The following TBCCD1 variants were observed in gnomAD, a reference collection of about 807,000 sequenced individuals.
TBCCD1 encodes the protein TBCC domain-containing protein 1.
TBCCD1 carries 26 observed loss-of-function variants against 53.4 expected under a neutral mutation model. The ratio of observed to expected loss-of-function variants is 0.49; its 90% CI spans 0.36 to 0.68. The LOEUF (loss-of-function observed/expected upper bound fraction) is 0.68, where lower values mean the gene tolerates loss of function less well. TBCCD1 is among the 30% of genes least tolerant of loss of function. The pLI is 0.00. For synonymous variants in TBCCD1, 245 were observed against 241.7 expected (o/e 1.01, Z -0.13); for missense variants, 558 against 669.5 (o/e 0.83, Z 1.84).
chr3:186,558,713 T>G, intron 2 of TBCCD1, 141 bp from the exon 3 acceptor site: 1 of 804,258 alleles, frequency 1.2e-6, no homozygotes, highest in South Asian at 1.9e-5. Flanking sequence ...TTGATATGTA[T>G]GTCTCTGGTA....
chr3:186,554,700 T>C lies in TBCCD1; in HGVS notation c.1098A>G (p.Val366=), dbSNP rs1301774842. ...CRNSIFVLGP[V]GTTLHLHSCD... ...AACTGTGGAGGTGAAGTGTAGTCCC[T>C]ACAGGGCCCAAGACAAAGATGCTAT... Residue 366 remains valine, a synonymous_variant, in exon 6 of 8, where the codon GTA becomes GTG. Transcript: ENST00000338733. 3.7e-6 allele frequency: 6 copies of C among 1,614,014 alleles called. No individual in the cohort carries two copies. The highest frequency in any genetic ancestry group is 1.6e-4 in the Middle Eastern group (1 of 6,084).
chr3:186,565,955 A>C (rs1450603809), intron 1 of TBCCD1, among the ~76,000 whole-genome samples: 1 of 152,180 alleles, frequency 6.6e-6, no homozygotes, highest in Non-Finnish European at 1.5e-5. Context: ...ATAAAAACTA[A>C]TTTAAAAAAT....
chr3:186,562,106 C>A (rs1454519300), intron 2 of TBCCD1, among the ~76,000 whole-genome samples: 2 of 152,138 alleles, frequency 1.3e-5, no homozygotes, highest in African/African-American at 2.4e-5. Flanking sequence ...CTTTGGGAGG[C>A]TGAGGTGGGA....
intron 1 of TBCCD1, among the ~76,000 whole-genome samples, chr3:186,566,026 A>C (rs1311524468): frequency 3.3e-5 from 5 of 152,048 alleles, no homozygotes; most frequent in Non-Finnish European, 7.4e-5. Flanking sequence ...GATTCTAAGA[A>C]AACTGTGCTT....
Position 186,558,416 on chromosome 3 carries a change from C to A in TBCCD1, c.492+1G>T, listed in dbSNP as rs773777385. 7 of 1,613,518 alleles carry A rather than the reference C, an allele frequency of 4.3e-6. No homozygotes were observed. The highest frequency in any genetic ancestry group is 5.9e-6 in the Non-Finnish European group (7 of 1,179,858). ...GAATGAGATCAAGATATAAGGAGTACCTTATTATGACAATTAGATTTTTCA... is the reference window on the plus strand; with the variant it reads ...GAATGAGATCAAGATATAAGGAGTAACTTATTATGACAATTAGATTTTTCA... On this transcript the variant is annotated splice_donor_variant, in intron 3 of 7. Coordinates refer to ENST00000338733, the MANE Select transcript of TBCCD1 (RefSeq NM_018138.5). LOFTEE classifies it high-confidence loss of function.
intron 7 of TBCCD1, 87 bp downstream of exon 7, chr3:186,551,042 A>G (rs1714357763): frequency 2.1e-6 from 3 of 1,414,278 alleles, no homozygotes; most frequent in Non-Finnish European, 2.8e-6. Flanking sequence ...AAATTTGGGC[A>G]TGTTTAGTAT....
chr3:186,564,150 G>A lies in TBCCD1; in HGVS notation c.180C>T (p.Ile60=), dbSNP rs762920531. 75 of 1,614,176 alleles carry A rather than the reference G, an allele frequency of 4.6e-5. No individual in the cohort carries two copies. In the Middle Eastern group the frequency reaches 4.9e-4, roughly 11 times the overall value. ...TGGCCAACTGCAGCTTCCCACAAGC[G>A]ATGTGCCTCCATGTAGACCAGTAGA... The part of the protein sequence containing the change: ...PRLYWSTWRH[I]ACGKLQLAKD... Residue 60 remains isoleucine (I), a synonymous_variant, in exon 2 of 8, where the codon ATC becomes ATT. Transcript: ENST00000338733.
At chr3:186,569,308 T>TTTATTTATTTATTTATTTATTTA (rs1553849535), upstream of TBCCD1, among the ~76,000 whole-genome samples, 260 of 150,556 alleles carry the variant, frequency 1.7e-3, no homozygotes, top group African/African-American at 3.0e-3. Context: ...GACTTTTATT[T>TTTATTTATTTATTTATTTATTTA]TTTATTTATT....
At chr3:186,551,809 T>C (rs1324135060) in intron 6 of TBCCD1, among the ~76,000 whole-genome samples, 2 of 152,164 alleles carry the variant, frequency 1.3e-5, no homozygotes, top group Non-Finnish European at 2.9e-5. Context: ...ACCCTGTCTC[T>C]ACAAAAAATA....
intron 1 of TBCCD1, among the ~76,000 whole-genome samples, chr3:186,565,119 T>A: frequency 6.7e-6 from 1 of 149,436 alleles, no homozygotes. Context: ...CTTTTTTTTT[T>A]TTTTTTTTTG....
At chr3:186,568,664 G>A (rs1714904888), upstream of TBCCD1, among the ~76,000 whole-genome samples, 1 of 152,114 alleles carries the variant, frequency 6.6e-6, no homozygotes. Flanking sequence ...AGTTTGGGAG[G>A]CTGAGGCGGG....
intron 2 of TBCCD1, among the ~76,000 whole-genome samples, chr3:186,561,711 C>G (rs1714694390): frequency 6.6e-6 from 1 of 152,108 alleles, no homozygotes; most frequent in Non-Finnish European, 1.5e-5. Flanking sequence ...ATGGTGTGAA[C>G]CTGGGAGGTG....
rs1402462883 is a variant in TBCCD1 at position 186,554,621 on chromosome 3, T to C, written c.1177A>G (p.Thr393Ala). The change falls in exon 6 of 8, where the codon ACA (threonine) becomes GCA (alanine). Residue 393 changes from threonine (T) to alanine (A), a missense_variant. By Grantham distance (58) the Thr-to-Ala change is moderately conservative (BLOSUM62 0). Transcript: ENST00000338733. ...VCHRLSISSTTGCIFHVLTPT... is the reference protein window; with the variant it reads ...VCHRLSISSTAGCIFHVLTPT... ...GTAAGAACGTGAAAGATGCAACCTG[T>C]TGTAGAAGAGATGGACAAACGATGG... 2.5e-6 allele frequency: 4 copies of C among 1,614,088 alleles called. No homozygotes were observed. Among genetic ancestry groups the C allele is most frequent in the Middle Eastern group, 1.7e-4 (1 of 6,060 alleles).
intron 3 of TBCCD1, 132 bp downstream of exon 3, chr3:186,558,285 A>G (rs1244210001): frequency 8.5e-7 from 1 of 1,173,088 alleles, no homozygotes; most frequent in Non-Finnish European, 1.2e-6. Context: ...ATTTAAAAAA[A>G]AAGTGAAAAA....
intron 6 of TBCCD1, 28 bp downstream of exon 6, chr3:186,554,226 C>T (rs1714457144): frequency 6.2e-7 from 1 of 1,603,822 alleles, no homozygotes; most frequent in South Asian, 1.1e-5. Flanking sequence ...ACAAAAAACA[C>T]AAACTGTTAC....
At chr3:186,553,424 A>AT (rs1428456010) in intron 6 of TBCCD1, 4 of 152,222 alleles carry the variant, frequency 2.6e-5, no homozygotes, top group Admixed American at 1.3e-4. Context: ...ATGATATGGT[A>AT]TGACAATATT....
chr3:186,567,577 T>G (rs1223037827), upstream of TBCCD1: 1 of 152,276 alleles, frequency 6.6e-6, no homozygotes, highest in Non-Finnish European at 1.5e-5. Flanking sequence ...CGCATAACTG[T>G]GGTCAGCTAA....
intron 7 of TBCCD1, among the ~76,000 whole-genome samples, chr3:186,549,627 T>C (rs1203629100): frequency 6.6e-6 from 1 of 152,148 alleles, no homozygotes; most frequent in Admixed American, 6.5e-5. Flanking sequence ...CACTGCACTT[T>C]AGCCTGTAAG....
intron 7 of TBCCD1, among the ~76,000 whole-genome samples, chr3:186,549,011 A>C (rs1714290556): frequency 6.6e-6 from 1 of 152,208 alleles, no homozygotes; most frequent in South Asian, 2.1e-4. Context: ...AATAGGCCAG[A>C]AGCAGTCGCT....
Sources: gnomAD v4.1 joint callset for allele counts (sites outside exome capture counted in the v4.1 genomes callset) on GRCh38, gnomAD v4.1.1 for gene constraint, MANE v1.5 for transcripts, NCBI Gene and HGNC (gene_info 2026-07-23, HGNC 2026-07-21) for gene names.